The following SYNE2 variants were observed in gnomAD, a reference collection of about 807,000 sequenced individuals.
SYNE2 encodes the protein spectrin repeat containing nuclear envelope protein 2.
Under a neutral mutation model 856.3 loss-of-function variants are expected in SYNE2, and 431 were observed. The observed-to-expected ratio is 0.50, with a 90% CI of 0.47 to 0.55. The LOEUF (loss-of-function observed/expected upper bound fraction) is 0.55. SYNE2 is among the 20% of genes least tolerant of loss of function. The pLI, the probability that SYNE2 is intolerant of heterozygous loss-of-function variation, is 0.00. For missense variants in SYNE2, 8,129 were observed against 8,023.2 expected (o/e 1.01, Z -0.50); for synonymous variants, 2,923 against 2,872.3 (o/e 1.02, Z -0.56).
intron 11 of SYNE2, among the ~76,000 whole-genome samples, chr14:63,973,953 C>G (rs1235604276): frequency 6.6e-6 from 1 of 151,988 alleles, no homozygotes; most frequent in Non-Finnish European, 1.5e-5. Context: ...AACAATAGAA[C>G]TCAACTGGGC....
chr14:64,133,961 A>C, intron 77 of SYNE2, 108 bp from the exon 78 acceptor site: 1 of 1,351,324 alleles, frequency 7.4e-7, no homozygotes, highest in Non-Finnish European at 1.0e-6. Flanking sequence ...TCTGTGCTTT[A>C]ATTTTGTATG....
intron 1 of SYNE2, among the ~76,000 whole-genome samples, chr14:63,780,652 C>T (rs1245169803): frequency 6.6e-6 from 1 of 152,178 alleles, no homozygotes; most frequent in East Asian, 1.9e-4. Context: ...AAGAACAAGT[C>T]TGGCTCTGGT....
chr14:64,211,501 C>A (rs2098640860), intron 103 of SYNE2, among the ~76,000 whole-genome samples: 1 of 152,148 alleles, frequency 6.6e-6, no homozygotes. Context: ...GGCCTCAATC[C>A]TGATATCAAG....
At chr14:63,766,032 C>T (rs952630641) in intron 1 of SYNE2, among the ~76,000 whole-genome samples, 1 of 151,734 alleles carries the variant, frequency 6.6e-6, no homozygotes, top group Non-Finnish European at 1.5e-5. Flanking sequence ...ATATATCTGC[C>T]ATTGGTACCA....
At chr14:63,803,130 C>T (rs1888218055) in intron 1 of SYNE2, among the ~76,000 whole-genome samples, 1 of 152,252 alleles carries the variant, frequency 6.6e-6, no homozygotes, top group South Asian at 2.1e-4. Context: ...CTGATTGGTG[C>T]GTTTACAATC....
At chr14:63,944,357 T>A (rs1271571205) in intron 6 of SYNE2, among the ~76,000 whole-genome samples, 1 of 149,750 alleles carries the variant, frequency 6.7e-6, no homozygotes, top group African/African-American at 2.4e-5. Flanking sequence ...TATATTTCAC[T>A]AATGGATAGT....
At chr14:64,160,970 A>C (rs577098923) in intron 87 of SYNE2, among the ~76,000 whole-genome samples, 4 of 152,172 alleles carry the variant, frequency 2.6e-5, no homozygotes, top group African/African-American at 4.8e-5. Context: ...AGAAAAAAAA[A>C]CCCACAGACC....
intron 1 of SYNE2, among the ~76,000 whole-genome samples, chr14:63,803,260 G>A (rs969993642): frequency 6.6e-6 from 1 of 152,220 alleles, no homozygotes; most frequent in Non-Finnish European, 1.5e-5. Flanking sequence ...AGCGCGGTGC[G>A]CTCGCACTCC....
intron 6 of SYNE2, among the ~76,000 whole-genome samples, chr14:63,945,954 G>T (rs2153424159): frequency 6.6e-6 from 1 of 152,300 alleles, no homozygotes; most frequent in South Asian, 2.1e-4. Context: ...GGAACTGATG[G>T]TGTCAGAACA....
Position 63,826,251 on chromosome 14 carries a change from T to C in SYNE2, c.-304-26250T>C, listed in dbSNP as rs759581283. Among the ~76,000 whole-genome samples the C allele has an allele frequency of 4.6e-5, 7 of 151,062 alleles. No homozygotes were observed. In the South Asian group the frequency reaches 1.1e-3, roughly 23 times the overall value. ...ATCTACAAGTAAATTCTTCCACTTA[T>C]GGTCAATTGATTTTTGACAAGCATG... On this transcript the variant is annotated intron_variant, in intron 1 of 23. Transcript: ENST00000674003.
intron 94 of SYNE2, chr14:64,174,041 A>T (rs1051513203): frequency 3.3e-5 from 20 of 615,274 alleles, no homozygotes; most frequent in Non-Finnish European, 4.6e-5. Flanking sequence ...AGAAAAAAAT[A>T]AAAATAAACA....
chr14:64,136,832 C>A (rs1340192707), intron 78 of SYNE2, among the ~76,000 whole-genome samples: 2 of 152,144 alleles, frequency 1.3e-5, no homozygotes, highest in Non-Finnish European at 2.9e-5. Context: ...ATATCTAAGT[C>A]ACCATCTGAA....
At chr14:64,010,972 GT>G (rs1459170332) in intron 32 of SYNE2, among the ~76,000 whole-genome samples, 5 of 152,168 alleles carry the variant, frequency 3.3e-5, no homozygotes, top group African/African-American at 1.2e-4. Context: ...CTAAGCTAAA[GT>G]GCTGTCAGGG....
intron 110 of SYNE2, among the ~76,000 whole-genome samples, chr14:64,219,879 G>A (rs2098686632): frequency 6.6e-6 from 1 of 152,174 alleles, no homozygotes; most frequent in African/African-American, 2.4e-5. Context: ...CAATTAGGAT[G>A]TGTCACTTAC....
At chr14:64,006,819 CCT>C (rs2096799820) in intron 30 of SYNE2, among the ~76,000 whole-genome samples, 1 of 151,894 alleles carries the variant, frequency 6.6e-6, no homozygotes, top group Non-Finnish European at 1.5e-5. Flanking sequence ...AGAGTGAGAC[CCT>C]GTTTCCAGCA....
Position 64,128,532 on chromosome 14 carries a change from G to A in SYNE2, c.13998G>A (p.Gln4666=). ...AGTCTTTGAATGAAATCAGTGGGCA[G>A]AGTGTTGCTGAACAGCTTCAGGTAA... The part of the protein sequence containing the change: ...LQQSLNEISG[Q]SVAEQLQKAD... Residue 4666 remains glutamine, a synonymous_variant, in exon 74 of 116, where the codon CAG becomes CAA. Transcript: ENST00000555002. 1 of 1,608,304 alleles carries A rather than the reference G, an allele frequency of 6.2e-7. No individual in the cohort carries two copies. Among genetic ancestry groups the A allele is most frequent in the Non-Finnish European group, 8.5e-7 (1 of 1,174,636 alleles).
chr14:64,028,043 T>G (rs2096995280), intron 43 of SYNE2, among the ~76,000 whole-genome samples: 1 of 152,044 alleles, frequency 6.6e-6, no homozygotes, highest in African/African-American at 2.4e-5. Flanking sequence ...GGGTTGGGAC[T>G]ACAGGCATGT....
chr14:63,903,964 C>T (rs2095373412), intron 1 of SYNE2, among the ~76,000 whole-genome samples: 1 of 152,062 alleles, frequency 6.6e-6, no homozygotes, highest in African/African-American at 2.4e-5. Flanking sequence ...TCAACCCATG[C>T]TCCCTTCCCT....
intron 78 of SYNE2, among the ~76,000 whole-genome samples, chr14:64,136,481 T>G (rs1315696607): frequency 1.3e-5 from 2 of 152,066 alleles, no homozygotes; most frequent in Non-Finnish European, 2.9e-5. Flanking sequence ...TGGAATTTTT[T>G]GGTAATGATT....
Sources: allele counts gnomAD v4.1 joint callset (sites outside exome capture counted in the v4.1 genomes callset), GRCh38; gene constraint gnomAD v4.1.1; transcripts MANE v1.5; gene names NCBI Gene and HGNC (gene_info 2026-07-23, HGNC 2026-07-21).